SNTG1: variants seen among roughly 807,000 people sequenced by gnomAD.
SNTG1 encodes gamma-1-syntrophin.
SNTG1 carries 39 observed loss-of-function variants against 74.7 expected under a neutral mutation model. The observed-to-expected ratio is 0.52, with a 90% CI of 0.40 to 0.68. The LOEUF is 0.68. Among genes scored for constraint, SNTG1 ranks in the 30% least tolerant of loss-of-function variants. The probability of loss-of-function intolerance (pLI) is 0.00; values close to 1 mark genes in which losing one functional copy is unlikely to be tolerated. For missense variants in SNTG1, 685 were observed against 609.5 expected (o/e 1.12, Z -1.30); for synonymous variants, 254 against 217.1 (o/e 1.17, Z -1.49).
chr8:50,715,762 A>G (rs1044814102), intron 17 of SNTG1, among the ~76,000 whole-genome samples: 2 of 152,198 alleles, frequency 1.3e-5, no homozygotes, highest in Admixed American at 6.5e-5. Flanking sequence ...GAGGCAATCA[A>G]CGTAATCTTA....
chr8:50,021,708 G>A (rs1341455340), intron 1 of SNTG1, among the ~76,000 whole-genome samples: 1 of 152,074 alleles, frequency 6.6e-6, no homozygotes, highest in African/African-American at 2.4e-5. Context: ...CCCAAAGTGG[G>A]AGGATCACTT....
chr8:50,608,014 C>T (rs1465331414), intron 13 of SNTG1, among the ~76,000 whole-genome samples: 1 of 151,224 alleles, frequency 6.6e-6, no homozygotes, highest in Non-Finnish European at 1.5e-5. Context: ...TTGGAGCTCC[C>T]CTATTTTATT....
chr8:50,259,423 T>C (rs2087044129), intron 2 of SNTG1, among the ~76,000 whole-genome samples: 2 of 148,618 alleles, frequency 1.3e-5, no homozygotes, highest in Admixed American at 6.8e-5. Context: ...CACTTGAACC[T>C]GGGAGGTGGA....
intron 2 of SNTG1, among the ~76,000 whole-genome samples, chr8:50,264,319 G>A (rs2087342591): frequency 6.6e-6 from 1 of 152,108 alleles, no homozygotes; most frequent in Admixed American, 6.5e-5. Flanking sequence ...TGTAATCTCA[G>A]TACTTTGGGA....
At chr8:50,716,882 G>A (rs561230417) in intron 17 of SNTG1, among the ~76,000 whole-genome samples, 27 of 151,760 alleles carry the variant, frequency 1.8e-4, no homozygotes, top group Non-Finnish European at 1.2e-4. Flanking sequence ...ACAGGGGCCC[G>A]CCACCATGCC....
chr8:50,283,611 G>A (rs967253016), intron 2 of SNTG1, among the ~76,000 whole-genome samples: 2 of 151,990 alleles, frequency 1.3e-5, no homozygotes, highest in African/African-American at 4.8e-5. Context: ...TATATTTTCA[G>A]TGCTCACCCT....
intron 15 of SNTG1, among the ~76,000 whole-genome samples, chr8:50,700,663 T>TC (rs2095420397): frequency 6.6e-6 from 1 of 151,148 alleles, no homozygotes; most frequent in Non-Finnish European, 1.5e-5. Flanking sequence ...CTACAGTCTC[T>TC]CCCTACAATA....
At chr8:50,437,725 C>A (rs2093318907) in intron 4 of SNTG1, among the ~76,000 whole-genome samples, 1 of 152,156 alleles carries the variant, frequency 6.6e-6, no homozygotes, top group African/African-American at 2.4e-5. Flanking sequence ...TGTAATGGAG[C>A]AAGCTATAAG....
At chr8:50,243,805 G>T (rs957321041) in intron 2 of SNTG1, among the ~76,000 whole-genome samples, 1 of 151,976 alleles carries the variant, frequency 6.6e-6, no homozygotes, top group African/African-American at 2.4e-5. Context: ...ACAAATACAT[G>T]ATTCAAGAAT....
At chr8:50,456,449 T>A (rs1197704023) in intron 8 of SNTG1, among the ~76,000 whole-genome samples, 8 of 152,090 alleles carry the variant, frequency 5.3e-5, no homozygotes, top group Non-Finnish European at 1.2e-4. Context: ...CCAACAGGCT[T>A]GGAGTGCACT....
intron 2 of SNTG1, among the ~76,000 whole-genome samples, chr8:50,336,672 T>C (rs2091155173): frequency 6.6e-6 from 1 of 152,216 alleles, no homozygotes; most frequent in East Asian, 1.9e-4. Flanking sequence ...ACACTATGTT[T>C]GTTTGTTTGA....
chr8:50,442,846 T>C (rs910122882), intron 5 of SNTG1, among the ~76,000 whole-genome samples: 1 of 152,152 alleles, frequency 6.6e-6, no homozygotes. Flanking sequence ...CAGAAACTGC[T>C]CCTTTGAAGC....
chr8:50,185,676 T>C (rs987710807), intron 2 of SNTG1, among the ~76,000 whole-genome samples: 1 of 152,130 alleles, frequency 6.6e-6, no homozygotes, highest in Admixed American at 6.5e-5. Flanking sequence ...AATCACACCT[T>C]TTTTTACTTT....
intron 13 of SNTG1, among the ~76,000 whole-genome samples, chr8:50,640,165 C>T (rs1023042458): frequency 2.6e-5 from 4 of 152,124 alleles, no homozygotes; most frequent in African/African-American, 4.8e-5. Flanking sequence ...CACAGAAAGA[C>T]GGAAGTATGA....
chr8:50,733,158 T>G (rs1338094278), intron 17 of SNTG1, among the ~76,000 whole-genome samples: 4 of 151,982 alleles, frequency 2.6e-5, no homozygotes, highest in Admixed American at 2.6e-4. Flanking sequence ...TGTTTAGCTC[T>G]CCTTACAAAT....
chr8:50,686,233 T>C (rs563594599), intron 15 of SNTG1, among the ~76,000 whole-genome samples: 30 of 152,302 alleles, frequency 2.0e-4, no homozygotes, highest in Non-Finnish European at 2.8e-4. Context: ...ACACTAATTC[T>C]TAACGAGATA....
chr8:49,925,869 T>G (rs28713320), intron 1 of SNTG1, among the ~76,000 whole-genome samples: 165 of 152,336 alleles, frequency 1.1e-3, no homozygotes, highest in African/African-American at 3.9e-3. Flanking sequence ...TTGGGGCTAC[T>G]GTGAATAAAG....
At chr8:50,038,552 T>A (rs184586119) in intron 1 of SNTG1, among the ~76,000 whole-genome samples, 47 of 152,306 alleles carry the variant, frequency 3.1e-4, no homozygotes, top group African/African-American at 1.0e-3. Flanking sequence ...GCAGGCCACA[T>A]TGATTTAGAT....
At chr8:50,430,036 A>G (rs764129301) in intron 4 of SNTG1, among the ~76,000 whole-genome samples, 4 of 152,154 alleles carry the variant, frequency 2.6e-5, no homozygotes, top group Non-Finnish European at 5.9e-5. Flanking sequence ...CACATTGAAA[A>G]ACAGTCTGAC....
Sources: allele counts gnomAD v4.1 joint callset (sites outside exome capture counted in the v4.1 genomes callset), GRCh38; gene constraint gnomAD v4.1.1; transcripts MANE v1.5; gene names NCBI Gene and HGNC (gene_info 2026-07-23, HGNC 2026-07-21).